The following RAD50 variants were observed in gnomAD, a reference collection of about 807,000 sequenced individuals.
RAD50 encodes DNA repair protein RAD50.
Under a neutral mutation model 168.8 loss-of-function variants are expected in RAD50, and 132 were observed. The ratio of observed to expected loss-of-function variants is 0.78; its 90% CI spans 0.68 to 0.90. The LOEUF is 0.90. Ranked by LOEUF, RAD50 falls within the 40% of genes least tolerant of loss-of-function variation. The pLI is 0.00. For missense variants in RAD50, 1,347 were observed against 1,534.4 expected (o/e 0.88, Z 2.04); for synonymous variants, 525 against 497.4 (o/e 1.06, Z -0.74).
In RAD50 at chr5:132,604,964, T is replaced by A. The variant is rs1273322216; in HGVS notation, c.2683T>A (p.Ser895Thr). The change falls in exon 16 of 25, where the codon TCC (serine) becomes ACC (threonine). Residue 895 changes from serine to threonine, a missense_variant. Ser to Thr is a moderately conservative substitution (Grantham distance 58, BLOSUM62 1). Around this residue, in one of 3 missense-constraint regions of RAD50, gnomAD observed 635 missense variants for 739.2 expected, o/e 0.86. Transcript: ENST00000378823. ...ACTGGAGGAGCAGACTGTGGAATTATCCACTGAAGTTCAGTCTTTGTACAG... is the reference window on the plus strand; with the variant it reads ...ACTGGAGGAGCAGACTGTGGAATTAACCACTGAAGTTCAGTCTTTGTACAG... ...QQLEEQTVEL[S>T]TEVQSLYREI... 7 of 1,613,742 alleles carry A rather than the reference T, an allele frequency of 4.3e-6. No individual in the cohort carries two copies. The South Asian group carries it at 7.7e-5, about 18-fold the overall frequency.
chr5:132,637,385 G>C (rs1284069631), intron 22 of RAD50, among the ~76,000 whole-genome samples, 185 bp downstream of exon 22: 1 of 152,098 alleles, frequency 6.6e-6, no homozygotes, highest in African/African-American at 2.4e-5. Flanking sequence ...TTCTGTTCCA[G>C]AGCCTAACAG....
intron 3 of RAD50, among the ~76,000 whole-genome samples, chr5:132,578,524 C>CTTTTTTTTT (rs903882684): frequency 1.1e-4 from 9 of 84,338 alleles, no homozygotes; most frequent in Admixed American, 2.7e-4. Flanking sequence ...TTTTTTCTTT[C>CTTTTTTTTT]TTTTTTTTTT....
At chr5:132,567,230 A>C (rs1750224642) in intron 2 of RAD50, among the ~76,000 whole-genome samples, 2 of 152,216 alleles carry the variant, frequency 1.3e-5, no homozygotes, top group African/African-American at 4.8e-5. Flanking sequence ...GGTTGCAACA[A>C]AATAATGAGT....
At chr5:132,617,986 T>A in intron 20 of RAD50, 84 bp from the exon 21 acceptor site, 1 of 1,086,934 alleles carries the variant, frequency 9.2e-7, no homozygotes, top group Non-Finnish European at 1.4e-6. Flanking sequence ...ATACTTAACC[T>A]ATCTAAAGAA....
At chr5:132,604,103 C>A in intron 15 of RAD50, 57 bp downstream of exon 15, 1 of 1,588,806 alleles carries the variant, frequency 6.3e-7, no homozygotes, top group Non-Finnish European at 8.6e-7. Flanking sequence ...CGAGCACATG[C>A]CTTTTACAGT....
intron 2 of RAD50, among the ~76,000 whole-genome samples, chr5:132,574,477 G>A (rs1046409067): frequency 5.9e-5 from 9 of 152,128 alleles, no homozygotes; most frequent in African/African-American, 1.9e-4. Context: ...TAAACCTCTG[G>A]GCTTGTGATG....
intron 13 of RAD50, 110 bp downstream of exon 13, chr5:132,595,920 C>T (rs1750785020): frequency 5.3e-6 from 5 of 944,188 alleles, no homozygotes; most frequent in Non-Finnish European, 8.6e-6. Context: ...AGCTGGTATG[C>T]CCTGTCTTAT....
intron 2 of RAD50, among the ~76,000 whole-genome samples, chr5:132,572,058 G>A (rs908218010): frequency 6.6e-6 from 1 of 152,168 alleles, no homozygotes; most frequent in African/African-American, 2.4e-5. Flanking sequence ...ACTGGGACAA[G>A]TGAATTAGGC....
chr5:132,580,097 A>G (rs1284281231), intron 5 of RAD50, 31 bp downstream of exon 5: 1 of 1,524,898 alleles, frequency 6.6e-7, no homozygotes, highest in Non-Finnish European at 9.1e-7. Flanking sequence ...ATTGACAAAA[A>G]TTGTATATCT....
chr5:132,586,736 A>G lies in RAD50; in HGVS notation c.757-826A>G, dbSNP rs1750601188. Reference sequence around the variant, plus strand: ...TAGGTTCTGCTGGGCATGGTGGTACATACTTATAGTCTCAGCTACTTGGAG... The same window carrying G: ...TAGGTTCTGCTGGGCATGGTGGTACGTACTTATAGTCTCAGCTACTTGGAG... On this transcript the variant is annotated intron_variant, in intron 5 of 24. Transcript: ENST00000378823. Among the ~76,000 whole-genome samples the G allele has an allele frequency of 2.6e-5, 4 of 152,156 alleles. No individual in the cohort carries two copies. The South Asian group carries it at 8.3e-4, about 32-fold the overall frequency.
intron 5 of RAD50, among the ~76,000 whole-genome samples, chr5:132,584,755 C>T (rs1750564230): frequency 6.6e-6 from 1 of 152,092 alleles, no homozygotes; most frequent in Non-Finnish European, 1.5e-5. Flanking sequence ...CCATGGAATA[C>T]TATGCAGCCA....
At chr5:132,584,686 G>C (rs568594402) in intron 5 of RAD50, among the ~76,000 whole-genome samples, 29 of 152,086 alleles carry the variant, frequency 1.9e-4, no homozygotes, top group Non-Finnish European at 3.4e-4. Context: ...CAAAGACTTA[G>C]AACCAACCCA....
Position 132,557,270 on chromosome 5 carries a change from C to T in RAD50, c.-55C>T, listed in dbSNP as rs186356727. The T allele has an allele frequency of 2.2e-4, 355 of 1,600,792 alleles. 4 individuals carry two copies. In the Admixed American group the frequency reaches 5.8e-3, roughly 26 times the overall value. ...TCCCGTGCACGCCTTGCTTCGGCCT[C>T]AGTTAAGCCTTTGTGGGCTCCAGGT... is the stretch of plus-strand genomic sequence containing the variant. On this transcript the variant is annotated 5_prime_UTR_variant, in exon 1 of 25. Coordinates refer to ENST00000378823, the MANE Select transcript of RAD50 (RefSeq NM_005732.4).
Position 132,608,635 on chromosome 5 carries a change from C to G in RAD50, c.2739C>G (p.Ser913Arg), listed in dbSNP as rs540620886. The G allele has an allele frequency of 6.3e-7, 1 of 1,593,780 alleles. No homozygotes were observed. The highest frequency in any genetic ancestry group is 8.5e-7 in the Non-Finnish European group (1 of 1,170,438). ...TTTAGGATGCTAAAGAGCAGGTAAG[C>G]CCTTTGGAAACAACATTGGAAAAGT... ...REIKDAKEQV[S>R]PLETTLEKFQ... Residue 913 changes from serine (S) to arginine (R), a missense_variant, in exon 17 of 25, where the codon AGC (serine) becomes AGG (arginine). This residue lies in a region of RAD50 where 635 missense variants were observed against 739.2 expected (regional missense o/e 0.86). Transcript: ENST00000378823.
intron 19 of RAD50, among the ~76,000 whole-genome samples, chr5:132,613,798 T>A (rs1293529124): frequency 3.9e-5 from 6 of 152,040 alleles, no homozygotes; most frequent in Non-Finnish European, 8.8e-5. Flanking sequence ...GGTTTCACTA[T>A]GTTGGCCAGG....
chr5:132,642,474 G>C lies in RAD50; in HGVS notation c.*110G>C, dbSNP rs1804669. 3 of 1,054,212 alleles carry C rather than the reference G, an allele frequency of 2.8e-6. No homozygotes were observed. The South Asian group carries it at 4.7e-5, about 16-fold the overall frequency. The allele number at this position is 1,054,212 out of a possible 1,614,324, so 65.3% of individuals were successfully genotyped here. A position where few individuals can be genotyped will look rare whatever the true frequency, so the allele number is the denominator to read the frequency against. Reference sequence around the variant, plus strand: ...AATAAGAAAATATATTCTTTCAAAGGAACATTGTGTCTAGGATTTTGGATG... The same window carrying C: ...AATAAGAAAATATATTCTTTCAAAGCAACATTGTGTCTAGGATTTTGGATG... On this transcript the variant is annotated 3_prime_UTR_variant, in exon 25 of 25. Coordinates refer to ENST00000378823, the MANE Select transcript of RAD50 (RefSeq NM_005732.4).
chr5:132,636,134 C>G (rs1363815812), intron 21 of RAD50, among the ~76,000 whole-genome samples: 1 of 152,190 alleles, frequency 6.6e-6, no homozygotes, highest in Non-Finnish European at 1.5e-5. Flanking sequence ...GCCTCACATC[C>G]TCACATCCTT....
At chr5:132,621,555 T>C (rs974040963) in intron 21 of RAD50, among the ~76,000 whole-genome samples, 5 of 152,212 alleles carry the variant, frequency 3.3e-5, no homozygotes, top group African/African-American at 4.8e-5. Context: ...TATTCTTCAA[T>C]AGTTTTTTCA....
chr5:132,619,927 C>T (rs1262198160), intron 21 of RAD50, among the ~76,000 whole-genome samples: 4 of 132,646 alleles, frequency 3.0e-5, no homozygotes, highest in African/African-American at 1.3e-4. Context: ...TTTTTTGAGA[C>T]GGAGTCTCAC....
Sources: allele counts gnomAD v4.1 joint callset (sites outside exome capture counted in the v4.1 genomes callset), GRCh38; gene constraint gnomAD v4.1.1; regional missense constraint gnomAD v4.1.1; transcripts MANE v1.5; gene names NCBI Gene and HGNC (gene_info 2026-07-23, HGNC 2026-07-21).